The following MAN1A2 variants were observed in gnomAD, a reference collection of about 807,000 sequenced individuals.
MAN1A2 encodes the protein mannosyl-oligosaccharide 1,2-alpha-mannosidase IB.
A neutral mutation model predicts 75.7 loss-of-function variants in MAN1A2; 26 were observed. That is an observed-to-expected ratio of 0.34 (90% CI 0.25 to 0.48). MAN1A2 has a LOEUF of 0.48. MAN1A2 is among the 20% of genes least tolerant of loss of function. The pLI is 0.99. For missense variants in MAN1A2, 562 were observed against 775.5 expected (o/e 0.72, Z 3.27); for synonymous variants, 247 against 264.6 (o/e 0.93, Z 0.65).
At chr1:117,387,760 G>A (rs1243731450) in intron 1 of MAN1A2, among the ~76,000 whole-genome samples, 2 of 152,096 alleles carry the variant, frequency 1.3e-5, no homozygotes, top group Non-Finnish European at 2.9e-5. Context: ...GCTGAGAAGT[G>A]ATGAAGATGC....
intron 6 of MAN1A2, among the ~76,000 whole-genome samples, chr1:117,450,785 A>C (rs1649386140): frequency 6.6e-6 from 1 of 152,218 alleles, no homozygotes; most frequent in South Asian, 2.1e-4. Context: ...GCCAGTGCAC[A>C]GAAGTCAAGA....
At chr1:117,458,143 C>CT (rs1649662225) in intron 6 of MAN1A2, among the ~76,000 whole-genome samples, 1 of 152,126 alleles carries the variant, frequency 6.6e-6, no homozygotes, top group Admixed American at 6.6e-5. Context: ...TTCACAGCAA[C>CT]TATCACTATT....
rs12081376 is a variant in MAN1A2, at chr1:117,408,010, G to A, written c.655+2365G>A. The stretch of plus-strand genomic sequence containing the variant: ...AACCAAATGCTGTGCTTAGGAGGAT[G>A]GGACATGTTCTTTTTGTTTTGCTTA... On this transcript the variant is annotated intron_variant, in intron 3 of 12. Coordinates refer to ENST00000356554, the MANE Select transcript of MAN1A2 (RefSeq NM_006699.5). Among the ~76,000 whole-genome samples, 266 of 152,290 alleles carry A rather than the reference G, an allele frequency of 1.7e-3. 1 individual carries two copies. The highest frequency in any genetic ancestry group is 6.1e-3 in the African/African-American group (254 of 41,570).
intron 12 of MAN1A2, among the ~76,000 whole-genome samples, chr1:117,522,063 C>G (rs1242402203): frequency 6.6e-6 from 1 of 151,690 alleles, no homozygotes; most frequent in Non-Finnish European, 1.5e-5. Flanking sequence ...GGATAAAACA[C>G]TACAAATATG....
chr1:117,472,787 T>A (rs563654496), intron 8 of MAN1A2, among the ~76,000 whole-genome samples: 1 of 152,138 alleles, frequency 6.6e-6, no homozygotes, highest in African/African-American at 2.4e-5. Flanking sequence ...CCAACACGAA[T>A]TGATAAACTT....
intron 6 of MAN1A2, among the ~76,000 whole-genome samples, chr1:117,452,320 A>G (rs1336842724): frequency 6.6e-6 from 1 of 151,974 alleles, no homozygotes; most frequent in Non-Finnish European, 1.5e-5. Flanking sequence ...AAAAAAAAAA[A>G]AGTTGGAAAT....
intron 12 of MAN1A2, among the ~76,000 whole-genome samples, chr1:117,510,622 A>G (rs1440818705): frequency 6.6e-6 from 1 of 152,034 alleles, no homozygotes; most frequent in East Asian, 1.9e-4. Flanking sequence ...TTCTTTATCA[A>G]GATGTGAGCT....
At chr1:117,376,749 C>A (rs141689987) in intron 1 of MAN1A2, among the ~76,000 whole-genome samples, 1 of 152,330 alleles carries the variant, frequency 6.6e-6, no homozygotes, top group African/African-American at 2.4e-5. Flanking sequence ...GTGGATTCAA[C>A]CAACTGCAGG....
intron 8 of MAN1A2, among the ~76,000 whole-genome samples, chr1:117,472,806 C>T (rs1650202495): frequency 6.6e-6 from 1 of 151,958 alleles, no homozygotes; most frequent in South Asian, 2.1e-4. Context: ...TTTCTTAAAA[C>T]ATGAGATTTT....
chr1:117,381,001 A>G (rs1319915357), intron 1 of MAN1A2, among the ~76,000 whole-genome samples: 1 of 152,156 alleles, frequency 6.6e-6, no homozygotes, highest in East Asian at 1.9e-4. Flanking sequence ...ACCACAGGAT[A>G]TCTTCCCATT....
intron 3 of MAN1A2, among the ~76,000 whole-genome samples, chr1:117,406,791 A>G (rs1035905299): frequency 1.3e-5 from 2 of 152,136 alleles, no homozygotes; most frequent in African/African-American, 4.8e-5. Flanking sequence ...CAATAAAGAC[A>G]TTAAATTTAA....
intron 12 of MAN1A2, among the ~76,000 whole-genome samples, chr1:117,503,496 T>G (rs1020496634): frequency 6.6e-6 from 1 of 151,210 alleles, no homozygotes; most frequent in Non-Finnish European, 1.5e-5. Context: ...TGGAAAAGAG[T>G]AGACAACTTT....
chr1:117,513,049 C>T (rs1367488091), intron 12 of MAN1A2, among the ~76,000 whole-genome samples: 1 of 151,990 alleles, frequency 6.6e-6, no homozygotes, highest in East Asian at 1.9e-4. Context: ...AATGTTTAAG[C>T]CTGGGTAAAC....
chr1:117,414,400 T>A (rs980836375), intron 3 of MAN1A2, among the ~76,000 whole-genome samples: 1 of 151,542 alleles, frequency 6.6e-6, no homozygotes, highest in Non-Finnish European at 1.5e-5. Flanking sequence ...TATCTCATAT[T>A]CTGACGAGGC....
chr1:117,372,167 A>G (rs1652984855), intron 1 of MAN1A2, among the ~76,000 whole-genome samples: 1 of 152,210 alleles, frequency 6.6e-6, no homozygotes, highest in African/African-American at 2.4e-5. Context: ...ATGATTACTT[A>G]CTGGATGGTA....
intron 8 of MAN1A2, among the ~76,000 whole-genome samples, chr1:117,481,145 C>T (rs1650483478): frequency 6.6e-6 from 1 of 151,856 alleles, no homozygotes; most frequent in South Asian, 2.1e-4. Flanking sequence ...TATCTTCTCT[C>T]AACTCTTGAA....
rs566237739 is a variant in MAN1A2 at position 117,525,237 on chromosome 1, G to C, written c.*2280G>C. 1 of 458,762 alleles carries C rather than the reference G, an allele frequency of 2.2e-6. No individual in the cohort carries two copies. The allele number at this position is 458,762 out of a possible 1,614,324, so 28.4% of individuals were successfully genotyped here. A position where few individuals can be genotyped will look rare whatever the true frequency, so the allele number is the denominator to read the frequency against. On this transcript the variant is annotated 3_prime_UTR_variant, in exon 13 of 13. Transcript: ENST00000356554. ...AAAGAATTTGACAGGGACAATGGAA[G>C]GGTCTTCTTCACCACTCCTTACCTT...
At chr1:117,467,385 A>G (rs1557962706) in intron 8 of MAN1A2, among the ~76,000 whole-genome samples, 1 of 152,146 alleles carries the variant, frequency 6.6e-6, no homozygotes, top group South Asian at 2.1e-4. Flanking sequence ...GAGTACCAAG[A>G]ATAGGAAAAC....
chr1:117,392,090 C>T (rs948026520), intron 1 of MAN1A2, among the ~76,000 whole-genome samples: 7 of 152,098 alleles, frequency 4.6e-5, no homozygotes, highest in Non-Finnish European at 8.8e-5. Flanking sequence ...TCTACTCCCA[C>T]CTTGCCTCAA....
Sources: gnomAD v4.1 joint callset for allele counts (sites outside exome capture counted in the v4.1 genomes callset) on GRCh38, gnomAD v4.1.1 for gene constraint, MANE v1.5 for transcripts, NCBI Gene and HGNC (gene_info 2026-07-23, HGNC 2026-07-21) for gene names.